Variants in SRGAP2 observed in about 807,000 individuals in gnomAD.
SRGAP2 encodes SLIT-ROBO Rho GTPase activating protein 2, also known as SLIT-ROBO Rho GTPase-activating protein 2.
A neutral mutation model predicts 57.2 loss-of-function variants in SRGAP2; 15 were observed. That is an observed-to-expected ratio of 0.26 (90% CI 0.18 to 0.40). SRGAP2 has a LOEUF of 0.40. Ranked by LOEUF, SRGAP2 falls within the 10% of genes least tolerant of loss-of-function variation. The pLI is 1.00. For missense variants in SRGAP2, 520 were observed against 669.6 expected, an observed-to-expected ratio of 0.78 and a Z score of 2.47; for synonymous variants, 249 against 248.0, an observed-to-expected ratio of 1.00 and a Z score of -0.04.
At chr1:206,385,080 T>C (rs1273510977) in intron 5 of SRGAP2, among the ~76,000 whole-genome samples, 6 of 138,334 alleles carry the variant, frequency 4.3e-5, no homozygotes, top group South Asian at 2.4e-4. Flanking sequence ...ATGTTGCTGA[T>C]CCAGAAGCCT....
At chr1:206,445,191 G>A (rs972446747) in intron 17 of SRGAP2, among the ~76,000 whole-genome samples, 3 of 152,236 alleles carry the variant, frequency 2.0e-5, no homozygotes, top group African/African-American at 7.2e-5. Flanking sequence ...GGCTGTGTTG[G>A]GGAGGTATCC....
chr1:206,448,007 A>G (rs1662918975), intron 18 of SRGAP2, among the ~76,000 whole-genome samples: 1 of 152,206 alleles, frequency 6.6e-6, no homozygotes, highest in Non-Finnish European at 1.5e-5. Context: ...ACTGTGTGGG[A>G]GGCTAGAAGC....
rs1654766581 is a variant in SRGAP2, at chr1:206,372,968, T to TCTTTC, written c.424-11045_424-11041dup. ...CTTTCTTTCTTTCTTTTCTTTCCTT[T>TCTTTC]CTTTCTTTCTTTCTTTCTTTCTTTC... On this transcript the variant is annotated intron_variant, in intron 4 of 22. Coordinates refer to ENST00000573034, the MANE Select transcript of SRGAP2 (RefSeq NM_015326.5). 4.0e-3 allele frequency among the ~76,000 whole-genome samples: 69 copies of TCTTTC among 17,254 alleles called. 11 individuals carry two copies. The highest frequency in any genetic ancestry group is 0.053 in the Middle Eastern group (2 of 38). The allele number at this position is 17,254 out of a possible 152,430, so 11.3% of individuals were successfully genotyped here. A position where few individuals can be genotyped will look rare whatever the true frequency, so the allele number is the denominator to read the frequency against.
At chr1:206,381,350 G>T (rs1655699715) in intron 4 of SRGAP2, among the ~76,000 whole-genome samples, 1 of 128,356 alleles carries the variant, frequency 7.8e-6, no homozygotes, top group Non-Finnish European at 1.6e-5. Flanking sequence ...CTGGCAGGGG[G>T]AGATGGCCCG....
At chr1:206,428,386 T>G (rs1660990396) in intron 13 of SRGAP2, among the ~76,000 whole-genome samples, 1 of 148,394 alleles carries the variant, frequency 6.7e-6, no homozygotes, top group Admixed American at 6.8e-5. Flanking sequence ...CACTGCACTC[T>G]GTCTGGCCTG....
intron 2 of SRGAP2, among the ~76,000 whole-genome samples, chr1:206,273,623 G>T (rs2102662630): frequency 6.7e-6 from 1 of 149,888 alleles, no homozygotes; most frequent in East Asian, 1.9e-4. Flanking sequence ...AGAAATAAGT[G>T]TCAGAGAGGT....
In SRGAP2 at chr1:206,318,547, G is replaced by A. The variant is rs546114898; in HGVS notation, c.260+15074G>A. On this transcript the variant is annotated intron_variant, in intron 3 of 22. Transcript: ENST00000573034. The stretch of plus-strand genomic sequence containing the variant: ...CACAGTGTATTAGGCCATTTTTTGC[G>A]ATGCTGTAAATAAATACCTGAGGCT... Among the ~76,000 whole-genome samples the A allele has an allele frequency of 1.4e-3, 219 of 152,312 alleles. 1 individual carries two copies. Among genetic ancestry groups the A allele is most frequent in the African/African-American group, 4.9e-3 (204 of 41,568 alleles).
intron 2 of SRGAP2, among the ~76,000 whole-genome samples, chr1:206,208,657 T>C (rs1312032198): frequency 2.0e-5 from 3 of 152,228 alleles, no homozygotes; most frequent in Admixed American, 1.3e-4. Context: ...GGGCCTGCGA[T>C]CTGGTTTGGC....
chr1:206,245,154 T>A (rs1273118104), intron 2 of SRGAP2, among the ~76,000 whole-genome samples: 1 of 135,026 alleles, frequency 7.4e-6, no homozygotes, highest in Non-Finnish European at 1.6e-5. Flanking sequence ...GTGGTAACCA[T>A]GTCAGAGCCA....
chr1:206,327,805 C>CATT (rs1558312831), intron 3 of SRGAP2, among the ~76,000 whole-genome samples: 1 of 74,698 alleles, frequency 1.3e-5, no homozygotes, highest in South Asian at 4.7e-4. Flanking sequence ...TACACTGAAT[C>CATT]ATTTTTTTTT....
intron 3 of SRGAP2, among the ~76,000 whole-genome samples, chr1:206,341,818 T>G (rs1675213999): frequency 6.6e-6 from 1 of 151,986 alleles, no homozygotes; most frequent in Non-Finnish European, 1.5e-5. Context: ...GTCAACATGG[T>G]GAAAACCCAT....
At chr1:206,420,390 C>T (rs1044897745) in intron 12 of SRGAP2, among the ~76,000 whole-genome samples, 1 of 152,152 alleles carries the variant, frequency 6.6e-6, no homozygotes, top group Non-Finnish European at 1.5e-5. Context: ...CACCTGAGCT[C>T]CTGAGTCTGT....
chr1:206,240,660 C>A (rs1479265677), intron 2 of SRGAP2, among the ~76,000 whole-genome samples: 7 of 152,020 alleles, frequency 4.6e-5, no homozygotes, highest in Non-Finnish European at 8.8e-5. Context: ...ACAAACATAG[C>A]AACTATCCCA....
chr1:206,279,581 ATTTT>A (rs1165950488), intron 2 of SRGAP2, among the ~76,000 whole-genome samples: 3 of 86,654 alleles, frequency 3.5e-5, no homozygotes, highest in Admixed American at 1.1e-4. Flanking sequence ...ACACCTGGCT[ATTTT>A]TTTTTTTTTT....
intron 4 of SRGAP2, among the ~76,000 whole-genome samples, chr1:206,357,916 AT>A (rs1676577804): frequency 6.8e-6 from 1 of 146,604 alleles, no homozygotes; most frequent in South Asian, 2.3e-4. Context: ...CCCCTGGACT[AT>A]GTTCTTGTAC....
chr1:206,273,784 G>A (rs1210925795), intron 2 of SRGAP2, among the ~76,000 whole-genome samples: 1 of 147,632 alleles, frequency 6.8e-6, no homozygotes, highest in African/African-American at 2.7e-5. Context: ...TCTGTGGGTG[G>A]TCACTGTGTT....
intron 2 of SRGAP2, among the ~76,000 whole-genome samples, chr1:206,253,649 C>T (rs1262254839): frequency 1.4e-5 from 2 of 138,042 alleles, no homozygotes; most frequent in African/African-American, 5.4e-5. Flanking sequence ...GATCTCGGCT[C>T]GCTGCAAGCT....
chr1:206,332,840 C>T (rs370356707), intron 3 of SRGAP2, among the ~76,000 whole-genome samples: 53 of 151,194 alleles, frequency 3.5e-4, no homozygotes, highest in African/African-American at 8.7e-4. Flanking sequence ...AGCTTTGTTC[C>T]GTTGCTGGTG....
chr1:206,358,095 C>T (rs1411631844), intron 4 of SRGAP2, among the ~76,000 whole-genome samples: 3 of 151,972 alleles, frequency 2.0e-5, no homozygotes, highest in Non-Finnish European at 4.4e-5. Context: ...CCTCTTCTGT[C>T]TTGCTCATTG....
Sources: gnomAD v4.1 joint callset for allele counts (sites outside exome capture counted in the v4.1 genomes callset) on GRCh38, gnomAD v4.1.1 for gene constraint, MANE v1.5 for transcripts, NCBI Gene and HGNC (gene_info 2026-07-23, HGNC 2026-07-21) for gene names.